TBC1D19: variants seen among roughly 807,000 people sequenced by gnomAD.
TBC1D19 encodes TBC1 domain family member 19.
TBC1D19 carries 60 observed loss-of-function variants against 89.0 expected under a neutral mutation model. That is an observed-to-expected ratio of 0.67 (90% confidence interval 0.55 to 0.84). The LOEUF is 0.84. Among genes scored for constraint, TBC1D19 ranks in the 40% least tolerant of loss-of-function variants. TBC1D19 has a pLI of 0.00. For missense variants in TBC1D19, 500 were observed against 610.8 expected (o/e 0.82, Z 1.91); for synonymous variants, 189 against 199.7 (o/e 0.95, Z 0.45).
intron 1 of TBC1D19, among the ~76,000 whole-genome samples, chr4:26,595,093 C>G (rs1237664449): frequency 6.6e-6 from 1 of 152,158 alleles, no homozygotes; most frequent in Admixed American, 6.5e-5. Flanking sequence ...CCACATCCTC[C>G]CCAGCATTTG....
chr4:26,851,936 G>T, the TBC1D19 span, among the ~76,000 whole-genome samples: 1 of 152,222 alleles, frequency 6.6e-6, no homozygotes, highest in Non-Finnish European at 1.5e-5. Context: ...GGGTATGTCT[G>T]GGGAAAATGT....
At chr4:26,584,686 G>A (rs1450068987) in intron 1 of TBC1D19, among the ~76,000 whole-genome samples, 1 of 151,996 alleles carries the variant, frequency 6.6e-6, no homozygotes, top group African/African-American at 2.4e-5. Flanking sequence ...CACTTTTTCC[G>A]TCCTGTGGGT....
At chr4:26,828,604 G>A in the TBC1D19 span, among the ~76,000 whole-genome samples, 2 of 152,274 alleles carry the variant, frequency 1.3e-5, no homozygotes, top group African/African-American at 2.4e-5. Flanking sequence ...TAAAGCGGTT[G>A]AGAGTGTGGG....
chr4:26,602,659 C>T (rs1740708906), intron 1 of TBC1D19, among the ~76,000 whole-genome samples: 1 of 151,832 alleles, frequency 6.6e-6, no homozygotes, highest in Non-Finnish European at 1.5e-5. Context: ...CCAGGATGGT[C>T]TCAATCTCCT....
In TBC1D19 at chr4:26,668,744, G is replaced by A. The variant is rs138472081; in HGVS notation, c.664+2339G>A. 1.1e-4 allele frequency among the ~76,000 whole-genome samples: 16 copies of A among 151,936 alleles called. 1 individual carries two copies. In the South Asian group the frequency reaches 2.7e-3, roughly 26 times the overall value. ...TTTATATTCAGAATTAAGTTTAAGC[G>A]TGGCTTAAGGGAATTGTGTTCTTAC... On this transcript the variant is annotated intron_variant, in intron 9 of 20. Transcript: ENST00000264866.
At chr4:26,703,288 T>C (rs1043386369) in intron 13 of TBC1D19, among the ~76,000 whole-genome samples, 1 of 152,254 alleles carries the variant, frequency 6.6e-6, no homozygotes, top group Non-Finnish European at 1.5e-5. Flanking sequence ...TTATTAGAAA[T>C]TTATTTTAAC....
At chr4:26,643,285 G>T (rs556214110) in intron 7 of TBC1D19, among the ~76,000 whole-genome samples, 2 of 152,126 alleles carry the variant, frequency 1.3e-5, no homozygotes, top group African/African-American at 2.4e-5. Context: ...ACTCAAAACC[G>T]CACAACTACA....
At chr4:26,589,401 T>G (rs1739627406) in intron 1 of TBC1D19, among the ~76,000 whole-genome samples, 1 of 152,222 alleles carries the variant, frequency 6.6e-6, no homozygotes, top group Admixed American at 6.5e-5. Flanking sequence ...CTTGACTTTC[T>G]TCTGTCTCCT....
chr4:26,635,881 T>C (rs1413464483), intron 4 of TBC1D19, among the ~76,000 whole-genome samples: 3 of 152,108 alleles, frequency 2.0e-5, no homozygotes, highest in South Asian at 2.1e-4. Context: ...AGAATAAGAA[T>C]GTTGGAGGTG....
intron 13 of TBC1D19, among the ~76,000 whole-genome samples, chr4:26,710,500 A>G (rs1716101010): frequency 6.6e-6 from 1 of 152,278 alleles, no homozygotes; most frequent in East Asian, 1.9e-4. Flanking sequence ...ATACGTGTGC[A>G]TGTGTCTTTA....
At chr4:26,617,907 AG>A (rs1741797344) in intron 3 of TBC1D19, among the ~76,000 whole-genome samples, 1 of 152,234 alleles carries the variant, frequency 6.6e-6, no homozygotes, top group South Asian at 2.1e-4. Flanking sequence ...CATACCTTAG[AG>A]AGTTACAAGT....
chr4:26,742,914 A>G (rs1718452136), intron 18 of TBC1D19, among the ~76,000 whole-genome samples: 1 of 152,170 alleles, frequency 6.6e-6, no homozygotes, highest in Non-Finnish European at 1.5e-5. Flanking sequence ...GGAAACAAAT[A>G]CTACCTGAGA....
At chr4:26,671,373 T>C (rs1272084894) in intron 9 of TBC1D19, among the ~76,000 whole-genome samples, 1 of 151,834 alleles carries the variant, frequency 6.6e-6, no homozygotes, top group Admixed American at 6.6e-5. Flanking sequence ...TGCCTGTTCG[T>C]GTCTGAGAGT....
the TBC1D19 span, among the ~76,000 whole-genome samples, chr4:26,798,846 A>G: frequency 2.6e-5 from 4 of 152,108 alleles, no homozygotes; most frequent in African/African-American, 9.7e-5. Flanking sequence ...AAACACAAAG[A>G]TGGAAATAAT....
the TBC1D19 span, among the ~76,000 whole-genome samples, chr4:26,769,101 G>T: frequency 2.0e-5 from 3 of 152,026 alleles, no homozygotes; most frequent in African/African-American, 7.2e-5. Flanking sequence ...GATTAAGGAT[G>T]ACAACATATT....
chr4:26,805,268 G>T, the TBC1D19 span, among the ~76,000 whole-genome samples: 1 of 152,156 alleles, frequency 6.6e-6, no homozygotes, highest in Non-Finnish European at 1.5e-5. Context: ...CTGGACCCTC[G>T]TATGTTAAGC....
chr4:26,576,864 T>G (rs1052390677), intron 1 of TBC1D19: 1 of 455,920 alleles, frequency 2.2e-6, no homozygotes, highest in Non-Finnish European at 4.4e-6. Flanking sequence ...TTGTATCTGT[T>G]GGGATGGTTA....
chr4:26,835,736 A>T, the TBC1D19 span, among the ~76,000 whole-genome samples: 2 of 152,056 alleles, frequency 1.3e-5, no homozygotes, highest in Admixed American at 6.5e-5. Flanking sequence ...CCCTGAAGTC[A>T]ACATGAACTT....
intron 17 of TBC1D19, chr4:26,740,727 A>C: frequency 1.0e-6 from 1 of 985,088 alleles, no homozygotes; most frequent in Non-Finnish European, 1.2e-6. Context: ...CATGACTGCT[A>C]CTCCAGGTGA....
Sources: gnomAD v4.1 joint callset for allele counts (sites outside exome capture counted in the v4.1 genomes callset) on GRCh38, gnomAD v4.1.1 for gene constraint, MANE v1.5 for transcripts, NCBI Gene and HGNC (gene_info 2026-07-23, HGNC 2026-07-21) for gene names.